MTARC2: variants seen among roughly 807,000 people sequenced by gnomAD.
The protein encoded by MTARC2 is MOCO sulphurase C-terminal domain containing 2.
In MTARC2, 27 loss-of-function variants were observed where a neutral mutation model predicts 35.6. That is an observed-to-expected ratio of 0.76 (90% confidence interval 0.56 to 1.04). The LOEUF is 1.04. Ranked by LOEUF, MTARC2 falls within the 50% of genes least tolerant of loss-of-function variation. The pLI is 0.00. For synonymous variants in MTARC2, 158 were observed against 167.1 expected (o/e 0.95, Z 0.42); for missense variants, 412 against 432.5 (o/e 0.95, Z 0.42).
At position 220,748,418 on chromosome 1, in the gene MTARC2, T is replaced by G; in HGVS notation, c.-114T>G. 1 of 1,094,148 alleles carries G rather than the reference T, an allele frequency of 9.1e-7. No individual in the cohort carries two copies. Among genetic ancestry groups the G allele is most frequent in the Non-Finnish European group, 1.2e-6 (1 of 848,804 alleles). The allele number at this position is 1,094,148 out of a possible 1,614,324, so 67.8% of individuals were successfully genotyped here. A position where few individuals can be genotyped will look rare whatever the true frequency, so the allele number is the denominator to read the frequency against. On this transcript the variant is annotated 5_prime_UTR_variant, in exon 1 of 8. Transcript: ENST00000366913. ...GGTGAAAGTGTGAGAGGGTCCGTAG[T>G]TGGGTCAACTTTGACTCCTCTCGCC... is the stretch of plus-strand genomic sequence containing the variant.
chr1:220,754,017 C>G (rs909900132), intron 1 of MTARC2, among the ~76,000 whole-genome samples: 1 of 152,178 alleles, frequency 6.6e-6, no homozygotes, highest in African/African-American at 2.4e-5. Context: ...CCACTGCACT[C>G]CAGCCTGGCT....
intron 1 of MTARC2, among the ~76,000 whole-genome samples, chr1:220,750,845 C>T (rs899417648): frequency 3.3e-5 from 5 of 152,146 alleles, no homozygotes; most frequent in African/African-American, 4.8e-5. Context: ...TGTGTGAGTA[C>T]AGAACTTATG....
In MTARC2 at chr1:220,761,806, G is replaced by C. The variant is rs758823500; in HGVS notation, c.595G>C (p.Asp199His). Residue 199 changes from aspartate (D) to histidine (H), a missense_variant, in exon 3 of 8, where the codon GAT becomes CAT. Physicochemically the swap from Asp to His is moderately conservative, Grantham distance 81. Coordinates refer to ENST00000366913, the MANE Select transcript of MTARC2 (RefSeq NM_017898.5). ...RTSRKLLPTL[D>H]QNFQVAYPDY... ...ATCAAGAAAACTTCTCCCCACTCTT[G>C]ATCAGAATTTCCAGGTGAGCTTACA... 9.9e-6 allele frequency: 16 copies of C among 1,609,392 alleles called. No individual in the cohort carries two copies. The South Asian group carries it at 1.7e-4, about 17-fold the overall frequency.
intron 4 of MTARC2, among the ~76,000 whole-genome samples, chr1:220,766,820 CTTCT>C (rs930127776): frequency 5.9e-5 from 8 of 135,214 alleles, no homozygotes; most frequent in African/African-American, 2.2e-4. Flanking sequence ...TCTTCTTCTT[CTTCT>C]TTTTTTTTTT....
At chr1:220,773,709 C>T (rs1468078559) in intron 4 of MTARC2, among the ~76,000 whole-genome samples, 5 of 152,000 alleles carry the variant, frequency 3.3e-5, no homozygotes, top group African/African-American at 1.2e-4. Context: ...TTGGAAAAGA[C>T]ATCATGTATT....
In MTARC2 at chr1:220,779,889, T is replaced by C. The variant is rs542243390; in HGVS notation, c.751-129T>C. On this transcript the variant is annotated intron_variant, in intron 4 of 7. Coordinates refer to ENST00000366913, the MANE Select transcript of MTARC2 (RefSeq NM_017898.5). ...CTCCCTTTGAGTCCTCTGGGAGATATTTCTTGGTGTCACCTTGTGCTGCTT... is the reference window on the plus strand; with the variant it reads ...CTCCCTTTGAGTCCTCTGGGAGATACTTCTTGGTGTCACCTTGTGCTGCTT... 527 of 655,946 alleles carry C rather than the reference T, an allele frequency of 8.0e-4. 1 individual carries two copies. Among genetic ancestry groups the C allele is most frequent in the Non-Finnish European group, 1.1e-3 (474 of 417,774 alleles). The allele number at this position is 655,946 out of a possible 1,614,324, so 40.6% of individuals were successfully genotyped here.
At position 220,761,656 on chromosome 1, in the gene MTARC2, A is replaced by G. The variant is rs1671439062; in HGVS notation, c.447-2A>G. On this transcript the variant is annotated splice_acceptor_variant, in intron 2 of 7. Transcript: ENST00000366913. LOFTEE classifies it high-confidence loss of function. ...CCTGGTGTTCTTTTGTGACCTTTCC[A>G]GGATATTTGGCCTTGACATTAAAGG... The G allele has an allele frequency of 1.2e-6, 2 of 1,606,166 alleles. No individual in the cohort carries two copies. Among genetic ancestry groups the G allele is most frequent in the East Asian group, 2.2e-5 (1 of 44,864 alleles).
Position 220,780,092 on chromosome 1 carries a change from GCTAGAC to G in MTARC2, c.812+15_812+20del. ...TGGCATGCCCCAGGTAAGGAGCCTA[GCTAGAC>G]CCCAGGACTGTGGTGTGGCCCATTC... On this transcript the variant is annotated intron_variant, in intron 5 of 7. Coordinates refer to ENST00000366913, the MANE Select transcript of MTARC2 (RefSeq NM_017898.5). The G allele has an allele frequency of 6.3e-7, 1 of 1,577,756 alleles. No homozygotes were observed. The highest frequency in any genetic ancestry group is 8.6e-7 in the Non-Finnish European group (1 of 1,167,282).
chr1:220,752,147 G>A (rs1302295509), intron 1 of MTARC2, among the ~76,000 whole-genome samples: 2 of 152,174 alleles, frequency 1.3e-5, no homozygotes, highest in Non-Finnish European at 2.9e-5. Flanking sequence ...ACAACAGTCT[G>A]GAGCCACAGG....
intron 4 of MTARC2, chr1:220,770,663 CA>C: frequency 1.5e-6 from 1 of 649,846 alleles, no homozygotes; most frequent in South Asian, 6.9e-5. Flanking sequence ...AAAAGCAGTC[CA>C]GCACAGCCCA....
Position 220,755,994 on chromosome 1 carries a change from T to C in MTARC2, c.446+874T>C, listed in dbSNP as rs72472383. On this transcript the variant is annotated intron_variant, in intron 2 of 7. Transcript: ENST00000366913. ...GTATCTCAGGGCTGGGTGAGAAGGA[T>C]GCTGGAGCTTCCAGAGCTTTTCAAG... Among the ~76,000 whole-genome samples the C allele has an allele frequency of 5.8e-3, 878 of 152,310 alleles. 8 individuals carry two copies. The East Asian group carries it at 0.06, about 10-fold the overall frequency.
chr1:220,779,341 C>A (rs1672001604), intron 4 of MTARC2, among the ~76,000 whole-genome samples: 1 of 152,080 alleles, frequency 6.6e-6, no homozygotes, highest in African/African-American at 2.4e-5. Flanking sequence ...GATTTCAAAC[C>A]CAGCTGCTTT....
At chr1:220,751,665 G>A (rs1671128468) in intron 1 of MTARC2, among the ~76,000 whole-genome samples, 2 of 151,962 alleles carry the variant, frequency 1.3e-5, no homozygotes, top group African/African-American at 4.8e-5. Context: ...CTGTTGTTTT[G>A]GGCTCCACTT....
intron 7 of MTARC2, among the ~76,000 whole-genome samples, chr1:220,783,422 A>G (rs969942625): frequency 2.6e-5 from 4 of 152,206 alleles, no homozygotes; most frequent in African/African-American, 7.2e-5. Context: ...CTGCTGTTCC[A>G]GTCATGATTG....
intron 7 of MTARC2, among the ~76,000 whole-genome samples, chr1:220,782,343 T>C (rs1263801164): frequency 6.6e-6 from 1 of 152,184 alleles, no homozygotes; most frequent in Non-Finnish European, 1.5e-5. Context: ...GCTTGGGAAA[T>C]GTTTAAATTG....
At chr1:220,776,002 C>G (rs897425954) in intron 4 of MTARC2, among the ~76,000 whole-genome samples, 1 of 152,148 alleles carries the variant, frequency 6.6e-6, no homozygotes, top group Admixed American at 6.5e-5. Context: ...GTGCATGTGT[C>G]TTTGTGGTAG....
chr1:220,758,133 C>T (rs1211624698), intron 2 of MTARC2, among the ~76,000 whole-genome samples: 7 of 150,664 alleles, frequency 4.6e-5, no homozygotes, highest in Admixed American at 4.0e-4. Context: ...TACAGGCGCA[C>T]GCCACCACGC....
chr1:220,767,777 A>G (rs1671621658), intron 4 of MTARC2, among the ~76,000 whole-genome samples: 1 of 152,224 alleles, frequency 6.6e-6, no homozygotes, highest in South Asian at 2.1e-4. Context: ...TCTCCAGGAA[A>G]CTTCCAGAGA....
At chr1:220,774,831 T>G (rs1355491751) in intron 4 of MTARC2, among the ~76,000 whole-genome samples, 1 of 152,218 alleles carries the variant, frequency 6.6e-6, no homozygotes, top group South Asian at 2.1e-4. Flanking sequence ...GCACTCTCTC[T>G]GGCTATACAT....
Sources: gnomAD v4.1 joint callset for allele counts (sites outside exome capture counted in the v4.1 genomes callset) on GRCh38, gnomAD v4.1.1 for gene constraint, MANE v1.5 for transcripts, NCBI Gene and HGNC (gene_info 2026-07-23, HGNC 2026-07-21) for gene names.